Variants in CC2D2B observed in about 807,000 individuals in gnomAD.
The protein encoded by CC2D2B is coiled-coil and C2 domain containing 2B.
Under a neutral mutation model 161.2 loss-of-function variants are expected in CC2D2B, and 128 were observed. The observed-to-expected ratio is 0.79, with a 90% CI of 0.69 to 0.92. CC2D2B has a LOEUF of 0.92. Among genes scored for constraint, CC2D2B ranks in the 40% least tolerant of loss-of-function variants. The probability of loss-of-function intolerance (pLI) is 0.00; values close to 1 mark genes in which losing one functional copy is unlikely to be tolerated. For synonymous variants in CC2D2B, 391 were observed against 449.8 expected (o/e 0.87, Z 1.65); for missense variants, 1,173 against 1,375.1 (o/e 0.85, Z 2.32).
At chr10:95,947,616 C>T (rs1197186013) in intron 9 of CC2D2B, among the ~76,000 whole-genome samples, 1 of 151,926 alleles carries the variant, frequency 6.6e-6, no homozygotes, top group East Asian at 2.0e-4. Flanking sequence ...GTGGCATGCA[C>T]CTGTAGTCCC....
intron 24 of CC2D2B, chr10:96,000,333 TAATAAATA>T (rs3030829): frequency 5.0e-5 from 12 of 241,628 alleles, no homozygotes; most frequent in Middle Eastern, 2.1e-3. Flanking sequence ...TATTTATTTA[TAATAAATA>T]AATAAATAAA....
chr10:95,982,047 A>G lies in CC2D2B; in HGVS notation c.2016A>G (p.Glu672=). 2 of 1,231,086 alleles carry G rather than the reference A, an allele frequency of 1.6e-6. No individual in the cohort carries two copies. Among genetic ancestry groups the G allele is most frequent in the Non-Finnish European group, 2.0e-6 (2 of 987,014 alleles). The allele number at this position is 1,231,086 out of a possible 1,614,324, so 76.3% of individuals were successfully genotyped here. ...TCATGAATGAACAGAAGCTTTTTGA[A>G]TGGGCAAATGAAGTCAGAATTGATC... is the stretch of plus-strand genomic sequence containing the variant. ...PWLMNEQKLF[E]WANEVRIDPN... The change falls in exon 18 of 35, where the codon GAA becomes GAG. Residue 672 remains glutamate (E), a synonymous_variant. Coordinates refer to ENST00000646931, the MANE Select transcript of CC2D2B (RefSeq NM_001349008.3).
intron 1 of CC2D2B, among the ~76,000 whole-genome samples, chr10:95,910,732 C>T (rs59231650): frequency 0.066 from 10,100 of 152,284 alleles, 401 homozygotes; most frequent in East Asian, 0.12. Flanking sequence ...TATATTTAAT[C>T]ATTGCCTCTT....
At chr10:95,947,881 CTCT>C in intron 9 of CC2D2B, among the ~76,000 whole-genome samples, 1 of 152,230 alleles carries the variant, frequency 6.6e-6, no homozygotes, top group Middle Eastern at 3.4e-3. Flanking sequence ...AAAACAGGTG[CTCT>C]TCTTATGGGA....
At position 95,947,082 on chromosome 10, in the gene CC2D2B, AATATAT is replaced by A. The variant is rs1297977316; in HGVS notation, c.802-2787_802-2782del. On this transcript the variant is annotated intron_variant, in intron 9 of 34. Transcript: ENST00000646931. ...ATAAATTCCAAATAGTGGACTCAAA[AATATAT>A]ATATATATATATATATATATATATA... Among the ~76,000 whole-genome samples, 93 of 39,496 alleles carry A rather than the reference AATATAT, an allele frequency of 2.4e-3. 1 individual carries two copies. The highest frequency in any genetic ancestry group is 0.013 in the East Asian group (30 of 2,348). The allele number at this position is 39,496 out of a possible 152,430, so 25.9% of individuals were successfully genotyped here. A position where few individuals can be genotyped will look rare whatever the true frequency, so the allele number is the denominator to read the frequency against.
At chr10:95,973,555 A>G (rs1426717254) in intron 16 of CC2D2B, among the ~76,000 whole-genome samples, 2 of 152,110 alleles carry the variant, frequency 1.3e-5, no homozygotes, top group African/African-American at 4.8e-5. Flanking sequence ...GAGGGAGAGC[A>G]CTAAGATAAG....
chr10:96,030,041 G>A (rs117830732), intron 34 of CC2D2B, among the ~76,000 whole-genome samples: 1,609 of 152,098 alleles, frequency 0.011, 41 homozygotes, highest in East Asian at 0.1. Flanking sequence ...TTGAACTGCT[G>A]GGCTCAAATG....
intron 15 of CC2D2B, 75 bp downstream of exon 15, chr10:95,968,976 A>G (rs1479095508): frequency 1.6e-6 from 1 of 609,230 alleles, no homozygotes; most frequent in Non-Finnish European, 2.4e-6. Flanking sequence ...AGCTACAGTT[A>G]TATGTGATAA....
chr10:96,010,727 C>G (rs1021278465), intron 26 of CC2D2B, among the ~76,000 whole-genome samples: 2 of 151,946 alleles, frequency 1.3e-5, no homozygotes, highest in African/African-American at 4.8e-5. Flanking sequence ...TTAACATAGG[C>G]GATAACTTTT....
At chr10:96,001,127 T>TAC (rs149970567) in intron 24 of CC2D2B, among the ~76,000 whole-genome samples, 5 of 151,760 alleles carry the variant, frequency 3.3e-5, no homozygotes, top group African/African-American at 7.2e-5. Flanking sequence ...GACACACACA[T>TAC]ACACACACAC....
intron 15 of CC2D2B, among the ~76,000 whole-genome samples, chr10:95,971,755 G>C (rs1300164614): frequency 6.6e-6 from 1 of 152,022 alleles, no homozygotes; most frequent in East Asian, 1.9e-4. Context: ...ATTTACATGA[G>C]ATAAAGAATT....
intron 6 of CC2D2B, among the ~76,000 whole-genome samples, chr10:95,928,232 TAA>T (rs34003266): frequency 0.44 from 65,899 of 149,578 alleles, 14,785 homozygotes; most frequent in Admixed American, 0.53. Context: ...TTTGCACAAT[TAA>T]AAAAAAAAAA....
chr10:96,021,889 G>A (rs569227518), intron 32 of CC2D2B, among the ~76,000 whole-genome samples: 1 of 152,312 alleles, frequency 6.6e-6, no homozygotes, highest in African/African-American at 2.4e-5. Flanking sequence ...GTAGCTAGGT[G>A]GTAGGTATGC....
chr10:96,027,197 G>A lies in CC2D2B; in HGVS notation c.3948-15G>A. 1 of 1,480,174 alleles carries A rather than the reference G, an allele frequency of 6.8e-7. No individual in the cohort carries two copies. The highest frequency in any genetic ancestry group is 9.0e-7 in the Non-Finnish European group (1 of 1,109,262). 91.7% of individuals were successfully genotyped at this position (1,480,174 alleles called of 1,614,324 possible). A position where few individuals can be genotyped will look rare whatever the true frequency, so the allele number is the denominator to read the frequency against. ...TATAACTTGTCATAAAATTACCTTT[G>A]GATTCTTACCTTAGGATCGAAAGGA... On this transcript the variant is annotated splice_polypyrimidine_tract_variant and intron_variant, in intron 33 of 34. Transcript: ENST00000646931.
chr10:95,998,837 C>T (rs1369033803), intron 24 of CC2D2B, among the ~76,000 whole-genome samples: 1 of 152,110 alleles, frequency 6.6e-6, no homozygotes, highest in Admixed American at 6.5e-5. Context: ...CTTCAGAGGC[C>T]AGGTGCAGTG....
At chr10:95,958,008 A>C (rs1010933699) in intron 11 of CC2D2B, among the ~76,000 whole-genome samples, 8 of 152,030 alleles carry the variant, frequency 5.3e-5, no homozygotes, top group African/African-American at 1.7e-4. Flanking sequence ...AAGAAACAGG[A>C]AAGTATGGCC....
rs769938905 is a variant in CC2D2B, at chr10:96,031,825, G to A, written c.4131G>A (p.Thr1377=). ...CTGTTCTGTCTTTGATCCAGGTCACGGGATTTCCCATCCAGATGCCATACA... is the reference window on the plus strand; with the variant it reads ...CTGTTCTGTCTTTGATCCAGGTCACAGGATTTCCCATCCAGATGCCATACA... ...FERILQFYWV[T]GFPIQMPYID... is the part of the protein sequence containing the mutation. Residue 1377 remains threonine (T), a synonymous_variant, in exon 35 of 35, where the codon ACG becomes ACA. Coordinates refer to ENST00000646931, the MANE Select transcript of CC2D2B (RefSeq NM_001349008.3). 2.0e-5 allele frequency: 32 copies of A among 1,612,586 alleles called. No homozygotes were observed. The highest frequency in any genetic ancestry group is 1.3e-4 in the African/African-American group (10 of 74,854).
chr10:95,926,840 G>GTGTC (rs1554828977), intron 5 of CC2D2B, among the ~76,000 whole-genome samples: 1 of 108,022 alleles, frequency 9.3e-6, no homozygotes, highest in Non-Finnish European at 2.2e-5. Flanking sequence ...GTGTGTGTGT[G>GTGTC]TGTGTGTCTG....
At chr10:95,988,757 AC>A (rs1463837777) in intron 20 of CC2D2B, among the ~76,000 whole-genome samples, 1 of 152,226 alleles carries the variant, frequency 6.6e-6, no homozygotes, top group Non-Finnish European at 1.5e-5. Flanking sequence ...AAAAATAGAT[AC>A]GCTTTGAAAC....
Sources: allele counts gnomAD v4.1 joint callset (sites outside exome capture counted in the v4.1 genomes callset), GRCh38; gene constraint gnomAD v4.1.1; transcripts MANE v1.5; gene names NCBI Gene and HGNC (gene_info 2026-07-23, HGNC 2026-07-21).